Variants in CNTNAP2 observed in about 807,000 individuals in gnomAD.
The protein encoded by CNTNAP2 is contactin-associated protein-like 2.
Under a neutral mutation model 155.2 loss-of-function variants are expected in CNTNAP2, and 98 were observed. The ratio of observed to expected loss-of-function variants is 0.63; its 90% CI spans 0.54 to 0.75. The LOEUF is 0.75. CNTNAP2 is among the 30% of genes least tolerant of loss of function. CNTNAP2 has a pLI of 0.00. For synonymous variants in CNTNAP2, 651 were observed against 631.2 expected (o/e 1.03, Z -0.47); for missense variants, 1,727 against 1,688.1 (o/e 1.02, Z -0.40).
At chr7:146,119,586 T>TC (rs1797534045) in intron 1 of CNTNAP2, among the ~76,000 whole-genome samples, 2 of 152,100 alleles carry the variant, frequency 1.3e-5, no homozygotes, top group Non-Finnish European at 2.9e-5. Flanking sequence ...TTAAAGAAAA[T>TC]ATTTCACTCT....
At chr7:146,483,282 A>AAAATATATAT (rs1178407767) in intron 1 of CNTNAP2, among the ~76,000 whole-genome samples, 16 of 39,852 alleles carry the variant, frequency 4.0e-4, no homozygotes, top group East Asian at 2.1e-3. Context: ...TCTAAAAAAA[A>AAAATATATAT]ATATATATAT....
chr7:146,836,891 C>T (rs1463157633), intron 2 of CNTNAP2, among the ~76,000 whole-genome samples: 1 of 151,690 alleles, frequency 6.6e-6, no homozygotes, highest in African/African-American at 2.4e-5. Context: ...TTTCAGGTTG[C>T]CAGCTTTTTT....
At chr7:147,770,464 T>A (rs553966289) in intron 13 of CNTNAP2, among the ~76,000 whole-genome samples, 1 of 152,214 alleles carries the variant, frequency 6.6e-6, no homozygotes, top group Non-Finnish European at 1.5e-5. Context: ...AATTAAAATA[T>A]GCGCTAATGG....
At chr7:147,216,996 GA>G (rs142868865) in intron 8 of CNTNAP2, among the ~76,000 whole-genome samples, 3,058 of 151,976 alleles carry the variant, frequency 0.02, 62 homozygotes, top group Non-Finnish European at 0.027. Context: ...CTGGTATATA[GA>G]AAAGCATTTG....
At chr7:147,235,559 T>C (rs1286085137) in intron 8 of CNTNAP2, among the ~76,000 whole-genome samples, 1 of 152,132 alleles carries the variant, frequency 6.6e-6, no homozygotes, top group African/African-American at 2.4e-5. Flanking sequence ...GATCTCACAT[T>C]TATTTCTTTA....
chr7:147,592,689 C>G (rs1800761137), intron 12 of CNTNAP2, among the ~76,000 whole-genome samples: 1 of 152,128 alleles, frequency 6.6e-6, no homozygotes, highest in South Asian at 2.1e-4. Flanking sequence ...AAATTACATT[C>G]TGCTACAAAT....
chr7:146,691,462 T>C (rs1303286644), intron 1 of CNTNAP2, among the ~76,000 whole-genome samples: 2 of 152,124 alleles, frequency 1.3e-5, no homozygotes, highest in Non-Finnish European at 2.9e-5. Context: ...AGTTCTATTA[T>C]ATAATAAAGC....
chr7:147,190,336 G>T (rs1176269766), intron 8 of CNTNAP2, among the ~76,000 whole-genome samples: 4 of 152,116 alleles, frequency 2.6e-5, no homozygotes, highest in African/African-American at 9.7e-5. Flanking sequence ...GGAGAAACTT[G>T]CATGATAATA....
intron 14 of CNTNAP2, chr7:147,940,205 C>G (rs1038879420): frequency 6.8e-6 from 1 of 147,960 alleles, no homozygotes; most frequent in African/African-American, 2.5e-5. Flanking sequence ...AAGTGAGAAA[C>G]GGAGCAGGTC....
At chr7:147,353,557 T>G (rs1796006316) in intron 9 of CNTNAP2, among the ~76,000 whole-genome samples, 2 of 152,132 alleles carry the variant, frequency 1.3e-5, no homozygotes, top group South Asian at 2.1e-4. Context: ...TGATGGGCAT[T>G]TGGGTTGGTT....
At chr7:146,654,431 T>C (rs1350748790) in intron 1 of CNTNAP2, among the ~76,000 whole-genome samples, 1 of 152,080 alleles carries the variant, frequency 6.6e-6, no homozygotes, top group Non-Finnish European at 1.5e-5. Flanking sequence ...TGCCTTTCTA[T>C]TGAAAGACAA....
chr7:146,899,306 A>G (rs1795945593), intron 3 of CNTNAP2, among the ~76,000 whole-genome samples: 1 of 152,172 alleles, frequency 6.6e-6, no homozygotes, highest in Non-Finnish European at 1.5e-5. Flanking sequence ...CCAGTTGCCA[A>G]CAAGACAAGT....
chr7:146,818,710 C>T (rs1016155097), intron 2 of CNTNAP2, among the ~76,000 whole-genome samples: 2 of 151,842 alleles, frequency 1.3e-5, no homozygotes, highest in South Asian at 2.1e-4. Context: ...TGACATGTGA[C>T]CACTAAATGA....
intron 13 of CNTNAP2, among the ~76,000 whole-genome samples, chr7:147,678,498 T>C (rs559056494): frequency 2.6e-5 from 4 of 152,042 alleles, no homozygotes; most frequent in African/African-American, 9.6e-5. Flanking sequence ...GCTTTGTTAA[T>C]ACTGTCTTAA....
chr7:148,206,535 T>C (rs1188676360), intron 18 of CNTNAP2, among the ~76,000 whole-genome samples: 1 of 152,178 alleles, frequency 6.6e-6, no homozygotes, highest in East Asian at 1.9e-4. Context: ...AATCCTGCCT[T>C]TCTTCAGCAG....
chr7:148,181,847 T>A (rs1323286136), intron 18 of CNTNAP2, among the ~76,000 whole-genome samples: 1 of 135,588 alleles, frequency 7.4e-6, no homozygotes, highest in East Asian at 2.5e-4. Flanking sequence ...AAGCTCCAAC[T>A]CCCGGGTTCA....
At chr7:147,735,961 C>G (rs1796835720) in intron 13 of CNTNAP2, among the ~76,000 whole-genome samples, 1 of 148,904 alleles carries the variant, frequency 6.7e-6, no homozygotes, top group African/African-American at 2.4e-5. Flanking sequence ...ACTGATGGGT[C>G]TTGACTCTTT....
intron 1 of CNTNAP2, among the ~76,000 whole-genome samples, chr7:146,345,516 G>A (rs1240204599): frequency 6.6e-6 from 1 of 152,072 alleles, no homozygotes; most frequent in African/African-American, 2.4e-5. Context: ...AGCACAAAAT[G>A]CTACGCTGAA....
intron 1 of CNTNAP2, among the ~76,000 whole-genome samples, chr7:146,157,455 C>A (rs1488786193): frequency 1.3e-5 from 2 of 152,062 alleles, no homozygotes; most frequent in African/African-American, 2.4e-5. Flanking sequence ...ATTTGGGAAG[C>A]ACAAGGGGTC....
Sources: gnomAD v4.1 joint callset for allele counts (sites outside exome capture counted in the v4.1 genomes callset) on GRCh38, gnomAD v4.1.1 for gene constraint, MANE v1.5 for transcripts, NCBI Gene and HGNC (gene_info 2026-07-23, HGNC 2026-07-21) for gene names.